RBMS1: variants seen among roughly 807,000 people sequenced by gnomAD.
RBMS1 encodes the protein RNA-binding motif, single-stranded-interacting protein 1.
RBMS1 carries 17 observed loss-of-function variants against 62.3 expected under a neutral mutation model. That is an observed-to-expected ratio of 0.27 (90% CI 0.19 to 0.41). The LOEUF (loss-of-function observed/expected upper bound fraction) is 0.41. RBMS1 is among the 10% of genes least tolerant of loss of function. The pLI, the probability that RBMS1 is intolerant of heterozygous loss-of-function variation, is 1.00. For missense variants in RBMS1, 334 were observed against 504.5 expected, an observed-to-expected ratio of 0.66 and a Z score of 3.24; for synonymous variants, 172 against 170.0, an observed-to-expected ratio of 1.01 and a Z score of -0.09.
chr2:160,411,308 T>C (rs1341562627), intron 1 of RBMS1, among the ~76,000 whole-genome samples: 6 of 151,806 alleles, frequency 4.0e-5, no homozygotes, highest in Admixed American at 2.6e-4. Flanking sequence ...AGGGGTAGAG[T>C]TGAGGCCACA....
At chr2:160,297,744 T>C (rs997721356) in intron 6 of RBMS1, among the ~76,000 whole-genome samples, 1 of 152,134 alleles carries the variant, frequency 6.6e-6, no homozygotes, top group African/African-American at 2.4e-5. Flanking sequence ...ATCTGGGTCA[T>C]TGGAAACCAT....
At chr2:160,419,340 T>C (rs7557636) in intron 1 of RBMS1, among the ~76,000 whole-genome samples, 108,280 of 151,988 alleles carry the variant, frequency 0.71, 38,935 homozygotes, top group East Asian at 0.87. Flanking sequence ...CTATGCCTGT[T>C]TGGCCCTTTA....
At chr2:160,489,742 A>C (rs1292856401) in intron 1 of RBMS1, among the ~76,000 whole-genome samples, 3 of 152,146 alleles carry the variant, frequency 2.0e-5, no homozygotes, top group Non-Finnish European at 2.9e-5. Context: ...TTTCTTCAGC[A>C]TGGAAAACAA....
At chr2:160,479,900 T>A (rs945821243) in intron 1 of RBMS1, among the ~76,000 whole-genome samples, 1 of 152,198 alleles carries the variant, frequency 6.6e-6, no homozygotes, top group Non-Finnish European at 1.5e-5. Context: ...TAATACGCTT[T>A]GAAGGTTCTA....
chr2:160,458,657 C>T (rs1042199583), intron 1 of RBMS1, among the ~76,000 whole-genome samples: 1 of 152,064 alleles, frequency 6.6e-6, no homozygotes, highest in African/African-American at 2.4e-5. Context: ...ATGAACTGGG[C>T]GTGGTGGCGC....
At chr2:160,325,842 T>G (rs1690892020) in intron 2 of RBMS1, among the ~76,000 whole-genome samples, 1 of 152,146 alleles carries the variant, frequency 6.6e-6, no homozygotes, top group Admixed American at 6.6e-5. Flanking sequence ...ATGTAAAAAT[T>G]TATTAGGCAA....
intron 6 of RBMS1, among the ~76,000 whole-genome samples, chr2:160,290,552 T>C (rs529493788): frequency 2.0e-5 from 3 of 152,170 alleles, no homozygotes; most frequent in South Asian, 2.1e-4. Context: ...TTGCCAAATA[T>C]GCAGAGCATT....
At chr2:160,329,749 G>A (rs1312737663) in intron 2 of RBMS1, among the ~76,000 whole-genome samples, 1 of 151,460 alleles carries the variant, frequency 6.6e-6, no homozygotes, top group Non-Finnish European at 1.5e-5. Context: ...GCAAGTGTAG[G>A]GTCTGGGTAT....
At chr2:160,321,013 G>GTTCA (rs1436861550) in intron 2 of RBMS1, among the ~76,000 whole-genome samples, 1 of 152,000 alleles carries the variant, frequency 6.6e-6, no homozygotes, top group Non-Finnish European at 1.5e-5. Context: ...AGCTCTCAGA[G>GTTCA]TTCAGGGCAT....
Position 160,477,217 on chromosome 2 carries a change from C to A in RBMS1, c.75+16072G>T, listed in dbSNP as rs1237124240. On this transcript the variant is annotated intron_variant, in intron 1 of 13. Coordinates refer to ENST00000348849, the MANE Select transcript of RBMS1 (RefSeq NM_016836.4). The stretch of plus-strand genomic sequence containing the variant: ...ATGTATCTAGCAGGGCGTGGTGGCG[C>A]ATGCCTGTGGTCTCAGCTACTTCGG... 3.3e-5 allele frequency among the ~76,000 whole-genome samples: 5 copies of A among 152,282 alleles called. No individual in the cohort carries two copies. In the East Asian group the frequency reaches 9.6e-4, roughly 29 times the overall value.
chr2:160,359,421 T>G (rs922010052), intron 2 of RBMS1, among the ~76,000 whole-genome samples: 1 of 152,154 alleles, frequency 6.6e-6, no homozygotes, highest in African/African-American at 2.4e-5. Flanking sequence ...TTGGACTGAG[T>G]CAAGTCATTT....
chr2:160,453,841 A>G (rs1162922987), intron 1 of RBMS1, among the ~76,000 whole-genome samples: 1 of 152,066 alleles, frequency 6.6e-6, no homozygotes, highest in African/African-American at 2.4e-5. Flanking sequence ...CTTCTCACCA[A>G]TTTCCTGAAT....
chr2:160,344,317 T>TAG (rs1692055941), intron 2 of RBMS1, among the ~76,000 whole-genome samples: 1 of 152,156 alleles, frequency 6.6e-6, no homozygotes, highest in Non-Finnish European at 1.5e-5. Flanking sequence ...GGTTTATTCC[T>TAG]CTAGAAGTTT....
rs1685953376 is a variant in RBMS1, at chr2:160,493,461, GGCGGCGGCGGCGGCGGCTGCT to G, written c.-119_-99del. The G allele has an allele frequency of 1.2e-6, 1 of 864,582 alleles. No individual in the cohort carries two copies. Among genetic ancestry groups the G allele is most frequent in the South Asian group, 1.6e-5 (1 of 63,042 alleles). The allele number at this position is 864,582 out of a possible 1,614,324, so 53.6% of individuals were successfully genotyped here. The stretch of plus-strand genomic sequence containing the variant: ...CTCCCTTTCCGGCGGCGGCGGCAGC[GGCGGCGGCGGCGGCGGCTGCT>G]GCTGCTGCCGCTGCTCCACCTCCCA... On this transcript the variant is annotated 5_prime_UTR_variant, in exon 1 of 14. Transcript: ENST00000348849.
chr2:160,299,121 G>A (rs943508759), intron 6 of RBMS1, among the ~76,000 whole-genome samples: 1 of 150,298 alleles, frequency 6.7e-6, no homozygotes, highest in African/African-American at 2.5e-5. Context: ...CTAATATTGC[G>A]CATTTACCAA....
At chr2:160,447,059 T>C (rs570473436) in intron 1 of RBMS1, among the ~76,000 whole-genome samples, 2 of 152,334 alleles carry the variant, frequency 1.3e-5, no homozygotes, top group East Asian at 3.9e-4. Context: ...ATAGACGAAG[T>C]ACTTACGAAA....
intron 2 of RBMS1, among the ~76,000 whole-genome samples, chr2:160,339,137 G>C (rs575075415): frequency 2.0e-5 from 3 of 152,142 alleles, no homozygotes; most frequent in Admixed American, 2.0e-4. Context: ...AGGAGCTGCT[G>C]AAGAAAAAGC....
At chr2:160,337,291 A>G (rs1691633594) in intron 2 of RBMS1, among the ~76,000 whole-genome samples, 1 of 151,720 alleles carries the variant, frequency 6.6e-6, no homozygotes, top group African/African-American at 2.4e-5. Context: ...ATGTCACTGC[A>G]GCTGGCTAAT....
chr2:160,451,165 A>T (rs1050726415), intron 1 of RBMS1, among the ~76,000 whole-genome samples: 12 of 151,230 alleles, frequency 7.9e-5, no homozygotes, highest in Non-Finnish European at 7.4e-5. Flanking sequence ...TCAGAAAAAA[A>T]AAAATAAATA....
Sources: gnomAD v4.1 joint callset for allele counts (sites outside exome capture counted in the v4.1 genomes callset) on GRCh38, gnomAD v4.1.1 for gene constraint, MANE v1.5 for transcripts, NCBI Gene and HGNC (gene_info 2026-07-23, HGNC 2026-07-21) for gene names.